Variants in PTBP2 observed in about 807,000 individuals in gnomAD.
PTBP2 encodes polypyrimidine tract-binding protein 2.
Under a neutral mutation model 61.4 loss-of-function variants are expected in PTBP2, and 13 were observed. The ratio of observed to expected loss-of-function variants is 0.21; its 90% confidence interval spans 0.14 to 0.34. PTBP2 has a LOEUF of 0.34. PTBP2 is among the 10% of genes least tolerant of loss of function. The probability of loss-of-function intolerance (pLI) is 1.00; values close to 1 mark genes in which losing one functional copy is unlikely to be tolerated. For missense variants in PTBP2, 405 were observed against 642.6 expected (o/e 0.63, Z 4.00); for synonymous variants, 215 against 218.5 (o/e 0.98, Z 0.14).
At chr1:96,801,264 AAC>A (rs1660965631) in intron 8 of PTBP2, among the ~76,000 whole-genome samples, 1 of 149,566 alleles carries the variant, frequency 6.7e-6, no homozygotes. Context: ...TCTTTTAAAA[AAC>A]ATGTGTCATA....
At chr1:96,790,939 C>CA (rs947146265) in intron 8 of PTBP2, among the ~76,000 whole-genome samples, 2 of 151,676 alleles carry the variant, frequency 1.3e-5, no homozygotes, top group Non-Finnish European at 2.9e-5. Flanking sequence ...GCCCATAAAA[C>CA]AAAGACCAGG....
At chr1:96,762,503 G>C (rs1157356424) in intron 3 of PTBP2, among the ~76,000 whole-genome samples, 1,491 of 27,116 alleles carry the variant, frequency 0.055, 85 homozygotes, top group African/African-American at 0.24. Flanking sequence ...GCTGACCCCC[G>C]CCACCTCCCT....
At chr1:96,727,965 T>G (rs1650820848) in intron 2 of PTBP2, among the ~76,000 whole-genome samples, 1 of 152,064 alleles carries the variant, frequency 6.6e-6, no homozygotes, top group African/African-American at 2.4e-5. Flanking sequence ...CCATGAAGAT[T>G]TTTTTCCTTT....
At chr1:96,741,755 G>A (rs1384961446) in intron 2 of PTBP2, among the ~76,000 whole-genome samples, 1 of 151,940 alleles carries the variant, frequency 6.6e-6, no homozygotes, top group Non-Finnish European at 1.5e-5. Context: ...CACATTTATG[G>A]CGTTAATCTA....
chr1:96,735,033 T>C (rs1329684460), intron 2 of PTBP2, among the ~76,000 whole-genome samples: 1 of 150,808 alleles, frequency 6.6e-6, no homozygotes, highest in African/African-American at 2.4e-5. Flanking sequence ...TTCTCCTGCC[T>C]CAGCTTCCCA....
chr1:96,774,133 AG>A (rs1553181149), intron 5 of PTBP2, among the ~76,000 whole-genome samples: 2 of 151,080 alleles, frequency 1.3e-5, no homozygotes, highest in Admixed American at 6.6e-5. Context: ...AAAAAAAAAA[AG>A]GAAGAAATTC....
intron 3 of PTBP2, among the ~76,000 whole-genome samples, chr1:96,757,707 C>T (rs1055206189): frequency 5.3e-5 from 8 of 152,016 alleles, no homozygotes; most frequent in African/African-American, 1.9e-4. Flanking sequence ...CAATAAATTT[C>T]AAATGATTGA....
At chr1:96,756,234 A>G (rs758592976) in intron 3 of PTBP2, among the ~76,000 whole-genome samples, 9 of 152,188 alleles carry the variant, frequency 5.9e-5, no homozygotes, top group Non-Finnish European at 1.2e-4. Context: ...CCCGATCTCT[A>G]CTAAAAAATA....
chr1:96,772,547 T>G (rs1278021661), intron 5 of PTBP2, among the ~76,000 whole-genome samples: 2 of 152,124 alleles, frequency 1.3e-5, no homozygotes, highest in Non-Finnish European at 2.9e-5. Flanking sequence ...CTTTGTACTT[T>G]GACCATCATC....
intron 3 of PTBP2, among the ~76,000 whole-genome samples, chr1:96,763,704 C>T (rs1656319771): frequency 6.6e-6 from 1 of 151,848 alleles, no homozygotes; most frequent in Non-Finnish European, 1.5e-5. Context: ...TCAATCTAAT[C>T]TTTTTGTAAT....
chr1:96,766,647 C>T (rs558950506), intron 3 of PTBP2, among the ~76,000 whole-genome samples: 6 of 152,254 alleles, frequency 3.9e-5, no homozygotes, highest in East Asian at 1.9e-4. Context: ...TTCACATTCT[C>T]ATAGTATCAT....
chr1:96,770,870 A>C lies in PTBP2; in HGVS notation c.432+19A>C. 1 of 1,536,066 alleles carries C rather than the reference A, an allele frequency of 6.5e-7. No individual in the cohort carries two copies. Among genetic ancestry groups the C allele is most frequent in the Non-Finnish European group, 9.0e-7 (1 of 1,110,710 alleles). Reference sequence around the variant, plus strand: ...AAACCAAGTAAGTATGTGTAGGTACATAAATAAAATGGCCTAGAACATATT... The same window carrying C: ...AAACCAAGTAAGTATGTGTAGGTACCTAAATAAAATGGCCTAGAACATATT... On this transcript the variant is annotated intron_variant, in intron 5 of 13. Transcript: ENST00000674951.
downstream of PTBP2, chr1:96,817,234 T>G (rs1557789277): frequency 6.6e-6 from 1 of 152,124 alleles, no homozygotes. Context: ...TGAGCAGCTC[T>G]GAACTTCAAA....
chr1:96,773,837 C>T (rs1329953871), intron 5 of PTBP2, among the ~76,000 whole-genome samples: 2 of 151,804 alleles, frequency 1.3e-5, no homozygotes, highest in Non-Finnish European at 2.9e-5. Context: ...GTGGCGGGCG[C>T]CTGTAGTCCC....
At chr1:96,730,752 C>A (rs368532656) in intron 2 of PTBP2, among the ~76,000 whole-genome samples, 7 of 152,282 alleles carry the variant, frequency 4.6e-5, no homozygotes, top group Admixed American at 1.3e-4. Flanking sequence ...TTGGCTCTTT[C>A]ACAATTAAAG....
chr1:96,813,457 T>G lies in PTBP2; in HGVS notation c.*52T>G. 1 of 1,439,258 alleles carries G rather than the reference T, an allele frequency of 6.9e-7. No homozygotes were observed. The highest frequency in any genetic ancestry group is 9.2e-7 in the Non-Finnish European group (1 of 1,081,768). 89.2% of individuals were successfully genotyped at this position (1,439,258 alleles called of 1,614,324 possible). ...AATCACATTGTTCAATGTCATCACC[T>G]ATTTGACTGTTCAGAAAAGTGGGGA... On this transcript the variant is annotated 3_prime_UTR_variant, in exon 14 of 14. Transcript: ENST00000674951.
chr1:96,754,419 A>G (rs1441527715), intron 3 of PTBP2, among the ~76,000 whole-genome samples: 1 of 152,198 alleles, frequency 6.6e-6, no homozygotes. Flanking sequence ...GTGAAGATAA[A>G]TGGAATTCTT....
downstream of PTBP2, chr1:96,817,925 T>C (rs1662543610): frequency 6.6e-6 from 1 of 152,136 alleles, no homozygotes; most frequent in Non-Finnish European, 1.5e-5. Flanking sequence ...GTTTGGACAT[T>C]GATAATTCCC....
intron 2 of PTBP2, among the ~76,000 whole-genome samples, chr1:96,729,732 ATTTTTTTTT>A (rs748378072): frequency 9.1e-6 from 1 of 110,452 alleles, no homozygotes; most frequent in African/African-American, 3.9e-5. Flanking sequence ...TGATACTACT[ATTTTTTTTT>A]TTTTTTTTTT....
Sources: gnomAD v4.1 joint callset for allele counts (sites outside exome capture counted in the v4.1 genomes callset) on GRCh38, gnomAD v4.1.1 for gene constraint, MANE v1.5 for transcripts, NCBI Gene and HGNC (gene_info 2026-07-23, HGNC 2026-07-21) for gene names.